The following PSPC1 variants were observed in gnomAD, a reference collection of about 807,000 sequenced individuals.
PSPC1 encodes the protein paraspeckle protein 1.
PSPC1 carries 14 observed loss-of-function variants against 51.6 expected under a neutral mutation model. The observed-to-expected ratio is 0.27, with a 90% CI of 0.18 to 0.42. PSPC1 has a LOEUF of 0.42. PSPC1 is among the 10% of genes least tolerant of loss of function. The pLI, the probability that PSPC1 is intolerant of heterozygous loss-of-function variation, is 1.00. For missense variants in PSPC1, 406 were observed against 701.1 expected (o/e 0.58, Z 4.75); for synonymous variants, 193 against 231.9 (o/e 0.83, Z 1.53).
chr13:19,747,904 G>A (rs1360198627), intron 4 of PSPC1, among the ~76,000 whole-genome samples: 1 of 152,156 alleles, frequency 6.6e-6, no homozygotes, highest in Non-Finnish European at 1.5e-5. Context: ...TACATCCTTA[G>A]AAATGCTGGA....
intron 3 of PSPC1, among the ~76,000 whole-genome samples, chr13:19,759,060 G>C (rs546592422): frequency 6.6e-6 from 1 of 151,900 alleles, no homozygotes; most frequent in East Asian, 1.9e-4. Context: ...TGAGGCACGA[G>C]AATCACTTGA....
rs1364081188 is a variant in PSPC1, at chr13:19,772,414, A to G, written c.502T>C (p.Ser168Pro). ...AATGCTTGCTCTAGCAGCTCATTGG[A>G]AACAACTGGAGAAAGGTTCTTGACA... ...LTVKNLSPVV[S>P]NELLEQAFSQ... Residue 168 changes from serine to proline, a missense_variant, in exon 2 of 9, where the codon TCC (serine) becomes CCC (proline). Transcript: ENST00000338910. 1 of 1,614,212 alleles carries G rather than the reference A, an allele frequency of 6.2e-7. No individual in the cohort carries two copies.
intron 6 of PSPC1, among the ~76,000 whole-genome samples, chr13:19,680,738 T>G (rs1877178664): frequency 6.6e-6 from 1 of 152,158 alleles, no homozygotes; most frequent in Admixed American, 6.5e-5. Flanking sequence ...AGAATAAAAT[T>G]GGGTCACTAA....
intron 6 of PSPC1, among the ~76,000 whole-genome samples, chr13:19,719,474 A>G (rs1043620308): frequency 4.6e-5 from 7 of 152,130 alleles, no homozygotes; most frequent in Non-Finnish European, 1.0e-4. Flanking sequence ...AGCTAATTAC[A>G]TCTTAATTTA....
intron 6 of PSPC1, among the ~76,000 whole-genome samples, chr13:19,728,896 T>C (rs1166071938): frequency 6.6e-6 from 1 of 152,192 alleles, no homozygotes; most frequent in African/African-American, 2.4e-5. Flanking sequence ...AATTTTAAAA[T>C]TTTTTAAAAA....
At chr13:19,754,095 T>C (rs575398305) in intron 3 of PSPC1, among the ~76,000 whole-genome samples, 2 of 152,228 alleles carry the variant, frequency 1.3e-5, no homozygotes, top group South Asian at 2.1e-4. Context: ...TCTTTCTTTT[T>C]TTTTTCCTGA....
chr13:19,765,465 A>C (rs2138248226), intron 2 of PSPC1, among the ~76,000 whole-genome samples: 1 of 149,214 alleles, frequency 6.7e-6, no homozygotes, highest in South Asian at 2.1e-4. Flanking sequence ...GACACAATAG[A>C]TCCATGTGGT....
At chr13:19,759,970 C>T (rs942416911) in intron 2 of PSPC1, among the ~76,000 whole-genome samples, 1 of 151,702 alleles carries the variant, frequency 6.6e-6, no homozygotes, top group Non-Finnish European at 1.5e-5. Flanking sequence ...ACCAGCATAA[C>T]GGTTATAGTT....
rs985406291 is a variant in PSPC1 at position 19,782,782 on chromosome 13, G to A, written c.-25C>T. 3 of 1,517,396 alleles carry A rather than the reference G, an allele frequency of 2.0e-6. No homozygotes were observed. Among genetic ancestry groups the A allele is most frequent in the East Asian group, 2.5e-5 (1 of 40,002 alleles). The allele number at this position is 1,517,396 out of a possible 1,614,324, so 94.0% of individuals were successfully genotyped here. On this transcript the variant is annotated 5_prime_UTR_variant, in exon 1 of 9. Coordinates refer to ENST00000338910, the MANE Select transcript of PSPC1 (RefSeq NM_001354909.2). This position sits in a 1 kb window ranked among gnomAD's most constrained non-coding sequence, Gnocchi z 4.5. ...TCTTACTGAGTTCGCCTCGGACACC[G>A]GATACAGGCCTAGATTTATAGACAG...
At chr13:19,695,703 T>C (rs1879128489) in intron 6 of PSPC1, among the ~76,000 whole-genome samples, 1 of 152,126 alleles carries the variant, frequency 6.6e-6, no homozygotes, top group Non-Finnish European at 1.5e-5. Flanking sequence ...TCAAGGCAGG[T>C]CCCTTTTTAA....
intron 3 of PSPC1, among the ~76,000 whole-genome samples, chr13:19,751,918 C>T (rs865914889): frequency 8.5e-5 from 13 of 152,124 alleles, no homozygotes; most frequent in African/African-American, 2.2e-4. Flanking sequence ...ATTAGCCGGG[C>T]GTGGTGGCAG....
chr13:19,733,917 C>T (rs1363649239), intron 5 of PSPC1, among the ~76,000 whole-genome samples: 2 of 152,062 alleles, frequency 1.3e-5, no homozygotes, highest in African/African-American at 4.8e-5. Flanking sequence ...CACACCACTG[C>T]ACTCCATTCT....
Position 19,782,315 on chromosome 13 carries a change from G to C in PSPC1, c.372+71C>G. The C allele has an allele frequency of 2.0e-6, 3 of 1,505,916 alleles. No individual in the cohort carries two copies. The highest frequency in any genetic ancestry group is 2.4e-5 in the East Asian group (1 of 41,188). The allele number at this position is 1,505,916 out of a possible 1,614,324, so 93.3% of individuals were successfully genotyped here. On this transcript the variant is annotated intron_variant, in intron 1 of 8. Transcript: ENST00000338910. The surrounding 1 kb of genome is among the most constrained non-coding windows in gnomAD (Gnocchi z 4.5). ...GAGACAGCGTCCTAGGACGAGGCTG[G>C]CCTCAGCCCCACGACCCCGCGGCCA... is the stretch of plus-strand genomic sequence containing the variant.
chr13:19,689,337 G>A (rs1044034715), intron 6 of PSPC1, among the ~76,000 whole-genome samples: 9 of 152,092 alleles, frequency 5.9e-5, no homozygotes, highest in Non-Finnish European at 1.3e-4. Flanking sequence ...TGAACACTGG[G>A]AAAACACACA....
intron 6 of PSPC1, among the ~76,000 whole-genome samples, chr13:19,710,456 A>C (rs575821711): frequency 6.6e-6 from 1 of 152,332 alleles, no homozygotes; most frequent in Non-Finnish European, 1.5e-5. Context: ...AAAACTGTTA[A>C]ATGTAGCAAT....
chr13:19,771,665 G>A (rs1888642500), intron 2 of PSPC1, among the ~76,000 whole-genome samples: 1 of 151,842 alleles, frequency 6.6e-6, no homozygotes, highest in African/African-American at 2.4e-5. Context: ...CTGTCACCCA[G>A]GCTGGAGTGC....
At chr13:19,779,430 C>A (rs1447722052) in intron 1 of PSPC1, among the ~76,000 whole-genome samples, 1 of 59,616 alleles carries the variant, frequency 1.7e-5, no homozygotes, top group Non-Finnish European at 3.4e-5. Context: ...AGGTGAGGGG[C>A]GCCTCTGCCC....
chr13:19,738,900 C>T (rs1193895168), intron 5 of PSPC1, among the ~76,000 whole-genome samples: 1 of 129,672 alleles, frequency 7.7e-6, no homozygotes, highest in Non-Finnish European at 1.8e-5. Flanking sequence ...AGCGAGACTC[C>T]ATCTCAAAAA....
At position 19,772,231 on chromosome 13, in the gene PSPC1, T is replaced by G. The variant is rs144420720; in HGVS notation, c.674+11A>C. ...ACTGGATAGAAGAAGGACAAGATAT[T>G]TAAAACTTACGTTGTTAGCAAGAAT... On this transcript the variant is annotated intron_variant, in intron 2 of 8. Coordinates refer to ENST00000338910, the MANE Select transcript of PSPC1 (RefSeq NM_001354909.2). 747 of 1,608,562 alleles carry G rather than the reference T, an allele frequency of 4.6e-4. 3 individuals carry two copies. The East Asian group carries it at 0.016, about 35-fold the overall frequency.
Sources: gnomAD v4.1 joint callset for allele counts (sites outside exome capture counted in the v4.1 genomes callset) on GRCh38, gnomAD v4.1.1 for gene constraint, Gnocchi (gnomAD v3.1) non-coding constraint, MANE v1.5 for transcripts, NCBI Gene and HGNC (gene_info 2026-07-23, HGNC 2026-07-21) for gene names.